FHOD3: variants seen among roughly 807,000 people sequenced by gnomAD.
FHOD3 encodes formin homology 2 domain containing 3, also known as FH1/FH2 domain-containing protein 3.
Under a neutral mutation model 173.0 loss-of-function variants are expected in FHOD3, and 90 were observed. The ratio of observed to expected loss-of-function variants is 0.52; its 90% confidence interval spans 0.44 to 0.62. The LOEUF (loss-of-function observed/expected upper bound fraction) is 0.62, where lower values mean the gene tolerates loss of function less well. Among genes scored for constraint, FHOD3 ranks in the 20% least tolerant of loss-of-function variants. The pLI is 0.00. For missense variants in FHOD3, 1,945 were observed against 2,034.7 expected (o/e 0.96, Z 0.85); for synonymous variants, 828 against 823.0 (o/e 1.01, Z -0.10).
chr18:36,471,122 C>T (rs955500162), intron 3 of FHOD3, among the ~76,000 whole-genome samples: 1 of 152,202 alleles, frequency 6.6e-6, no homozygotes, highest in South Asian at 2.1e-4. Context: ...AGCGGGTATG[C>T]GCTTTGGAGA....
At chr18:36,698,993 A>T (rs367914104) in intron 17 of FHOD3, among the ~76,000 whole-genome samples, 7 of 152,116 alleles carry the variant, frequency 4.6e-5, no homozygotes, top group African/African-American at 1.7e-4. Context: ...CATTGTCTTT[A>T]TTACAGTGGG....
intron 3 of FHOD3, among the ~76,000 whole-genome samples, chr18:36,443,097 A>G (rs2051248590): frequency 6.6e-6 from 1 of 152,148 alleles, no homozygotes; most frequent in South Asian, 2.1e-4. Context: ...AATGTTTCTC[A>G]TTACCGCTGA....
chr18:36,758,545 A>G (rs991853277), intron 25 of FHOD3, among the ~76,000 whole-genome samples: 3 of 151,994 alleles, frequency 2.0e-5, no homozygotes, highest in Admixed American at 2.0e-4. Context: ...CTGCTGGAGC[A>G]GTTGTCTCAC....
intron 10 of FHOD3, among the ~76,000 whole-genome samples, chr18:36,632,177 C>G (rs1243845725): frequency 2.0e-5 from 3 of 152,212 alleles, no homozygotes; most frequent in Middle Eastern, 3.2e-3. Context: ...TATGGTTTTA[C>G]TCTCCGTCAG....
In FHOD3 at chr18:36,763,131, CACGTTATATATGT is replaced by C. The variant is rs1382172098; in HGVS notation, c.4624+2350_4624+2362del. On this transcript the variant is annotated intron_variant, in intron 27 of 28. Coordinates refer to ENST00000590592, the MANE Select transcript of FHOD3 (RefSeq NM_001281740.3). ...CGTTATATATAATATGTGTATTATA[CACGTTATATATGT>C]GTATTATACACGTTATATATATGTG... 4.1e-5 allele frequency among the ~76,000 whole-genome samples: 6 copies of C among 145,300 alleles called. No homozygotes were observed. In the South Asian group the frequency reaches 1.3e-3, roughly 32 times the overall value.
chr18:36,625,187 C>T (rs779274915), intron 9 of FHOD3, among the ~76,000 whole-genome samples: 2 of 152,026 alleles, frequency 1.3e-5, no homozygotes, highest in Non-Finnish European at 2.9e-5. Flanking sequence ...GGTGAAGGCC[C>T]GGGAAATGGA....
chr18:36,338,644 G>T (rs2045448187), intron 1 of FHOD3, among the ~76,000 whole-genome samples: 1 of 152,116 alleles, frequency 6.6e-6, no homozygotes, highest in African/African-American at 2.4e-5. Flanking sequence ...GGATGCTATG[G>T]AATGACTCGT....
chr18:36,770,266 A>C (rs1483151895), intron 28 of FHOD3, among the ~76,000 whole-genome samples: 1 of 152,244 alleles, frequency 6.6e-6, no homozygotes. Context: ...GAAAGAAGCC[A>C]GTGGCTTCCT....
intron 20 of FHOD3, 115 bp from the exon 21 acceptor site, chr18:36,740,541 T>A (rs1339211120): frequency 2.2e-5 from 23 of 1,064,804 alleles, no homozygotes; most frequent in Non-Finnish European, 1.4e-6. Flanking sequence ...ATATAACACC[T>A]GTACATACCT....
intron 1 of FHOD3, among the ~76,000 whole-genome samples, chr18:36,322,145 G>A (rs1478811036): frequency 6.6e-6 from 1 of 152,208 alleles, no homozygotes; most frequent in African/African-American, 2.4e-5. Flanking sequence ...GGCGTCTTCT[G>A]TGATGGTGGG....
chr18:36,306,400 T>G (rs930909151), intron 1 of FHOD3, among the ~76,000 whole-genome samples: 10 of 152,218 alleles, frequency 6.6e-5, no homozygotes, highest in African/African-American at 2.4e-4. Flanking sequence ...CTTGATGATG[T>G]CTGGTGGGGT....
At chr18:36,427,855 A>C (rs2050330936) in intron 3 of FHOD3, among the ~76,000 whole-genome samples, 1 of 152,252 alleles carries the variant, frequency 6.6e-6, no homozygotes, top group South Asian at 2.1e-4. Flanking sequence ...TATTGCAGGC[A>C]CTGTCACTGG....
rs1296306642 is a variant in FHOD3 at position 36,730,651 on chromosome 18, T to A, written c.3423T>A (p.Thr1141=). Residue 1141 remains threonine (T), a synonymous_variant, in exon 20 of 29, where the codon ACT becomes ACA. Transcript: ENST00000590592. ...KSKELSVSKK[T]AADGKRQEII... ...TCTCCTTTTTTATCACTAAGAAAAC[T>A]GCTGCAGATGGAAAAAGGCAAGAGA... The A allele has an allele frequency of 2.5e-6, 4 of 1,611,640 alleles. No homozygotes were observed.
chr18:36,675,077 G>T (rs556355657), intron 14 of FHOD3, among the ~76,000 whole-genome samples: 1 of 152,274 alleles, frequency 6.6e-6, no homozygotes, highest in Non-Finnish European at 1.5e-5. Context: ...GGCTAGGGAA[G>T]AACTGCCGTG....
chr18:36,662,422 T>C (rs2036872532), intron 14 of FHOD3, among the ~76,000 whole-genome samples: 1 of 152,228 alleles, frequency 6.6e-6, no homozygotes, highest in African/African-American at 2.4e-5. Context: ...GTGGACATGC[T>C]GTGCTGAAAC....
At chr18:36,712,260 G>C (rs2040209106) in intron 18 of FHOD3, among the ~76,000 whole-genome samples, 1 of 152,178 alleles carries the variant, frequency 6.6e-6, no homozygotes, top group Non-Finnish European at 1.5e-5. Context: ...TCTTGAATGG[G>C]AAAATGCAAT....
intron 3 of FHOD3, among the ~76,000 whole-genome samples, chr18:36,448,907 T>C (rs1471039666): frequency 3.3e-5 from 5 of 151,900 alleles, no homozygotes; most frequent in African/African-American, 4.8e-5. Flanking sequence ...ACATGCAGCC[T>C]CTGTCCTCCT....
chr18:36,314,286 A>G (rs2092317290), intron 1 of FHOD3, among the ~76,000 whole-genome samples: 1 of 152,172 alleles, frequency 6.6e-6, no homozygotes, highest in African/African-American at 2.4e-5. Context: ...AACTTTACAC[A>G]GGGACAACGC....
At chr18:36,399,630 G>T (rs2048710549) in intron 3 of FHOD3, among the ~76,000 whole-genome samples, 1 of 152,168 alleles carries the variant, frequency 6.6e-6, no homozygotes, top group African/African-American at 2.4e-5. Context: ...GCACCTTGCT[G>T]GTTTGGCTAG....
Sources: allele counts gnomAD v4.1 joint callset (sites outside exome capture counted in the v4.1 genomes callset), GRCh38; gene constraint gnomAD v4.1.1; transcripts MANE v1.5; gene names NCBI Gene and HGNC (gene_info 2026-07-23, HGNC 2026-07-21).